The following DOCK5 variants were observed in gnomAD, a reference collection of about 807,000 sequenced individuals.
DOCK5 encodes dedicator of cytokinesis protein 5.
Under a neutral mutation model 251.8 loss-of-function variants are expected in DOCK5, and 142 were observed. That is an observed-to-expected ratio of 0.56 (90% CI 0.49 to 0.65). The LOEUF (loss-of-function observed/expected upper bound fraction) is 0.65. Among genes scored for constraint, DOCK5 ranks in the 30% least tolerant of loss-of-function variants. The pLI, the probability that DOCK5 is intolerant of heterozygous loss-of-function variation, is 0.00. For synonymous variants in DOCK5, 842 were observed against 835.5 expected (o/e 1.01, Z -0.13); for missense variants, 2,111 against 2,312.3 (o/e 0.91, Z 1.79).
intron 1 of DOCK5, among the ~76,000 whole-genome samples, chr8:25,194,944 G>A (rs963434534): frequency 6.6e-6 from 1 of 151,838 alleles, no homozygotes; most frequent in Non-Finnish European, 1.5e-5. Flanking sequence ...TTTTGGGGAC[G>A]GAGTCTCGCT....
intron 16 of DOCK5, among the ~76,000 whole-genome samples, chr8:25,323,499 C>G (rs1054558826): frequency 1.3e-5 from 2 of 152,182 alleles, no homozygotes; most frequent in African/African-American, 2.4e-5. Context: ...TGAGTGTGGC[C>G]TGAAGTCAGG....
chr8:25,394,534 C>A (rs1801312912), intron 44 of DOCK5, among the ~76,000 whole-genome samples: 1 of 129,658 alleles, frequency 7.7e-6, no homozygotes, highest in Non-Finnish European at 1.8e-5. Context: ...GAATGCATGG[C>A]CTCCAAGATC....
At chr8:25,342,329 G>T in intron 24 of DOCK5, 72 bp from the exon 25 acceptor site, 1 of 1,181,500 alleles carries the variant, frequency 8.5e-7, no homozygotes, top group Non-Finnish European at 1.2e-6. Flanking sequence ...CAGAGTGGAG[G>T]AGAAAAGTTT....
chr8:25,217,473 C>T (rs548266980), intron 1 of DOCK5, among the ~76,000 whole-genome samples: 1 of 152,232 alleles, frequency 6.6e-6, no homozygotes, highest in East Asian at 1.9e-4. Flanking sequence ...CAGTAGCATT[C>T]ACTTGTTGGA....
intron 25 of DOCK5, among the ~76,000 whole-genome samples, chr8:25,343,284 C>T (rs1403278630): frequency 6.6e-6 from 1 of 152,052 alleles, no homozygotes; most frequent in Non-Finnish European, 1.5e-5. Context: ...ACTGGGATTA[C>T]AGGCATAATT....
intron 2 of DOCK5, among the ~76,000 whole-genome samples, chr8:25,248,342 A>G (rs1803171617): frequency 6.6e-6 from 1 of 152,148 alleles, no homozygotes; most frequent in Non-Finnish European, 1.5e-5. Context: ...ATGCTGAGTA[A>G]TCACTTGTCT....
chr8:25,219,104 C>T (rs1030601062), intron 1 of DOCK5, among the ~76,000 whole-genome samples: 5 of 152,116 alleles, frequency 3.3e-5, no homozygotes, highest in East Asian at 1.9e-4. Context: ...TGTTGGTAGA[C>T]GAGTATCTGC....
At chr8:25,310,807 T>G (rs911574300) in intron 13 of DOCK5, among the ~76,000 whole-genome samples, 2 of 152,154 alleles carry the variant, frequency 1.3e-5, no homozygotes, top group Admixed American at 1.3e-4. Flanking sequence ...TTCCTGGAAG[T>G]TGGATATACA....
intron 40 of DOCK5, among the ~76,000 whole-genome samples, chr8:25,384,464 T>TTTATTTTTA (rs1554504700): frequency 1.2e-5 from 1 of 81,180 alleles, no homozygotes; most frequent in African/African-American, 3.8e-5. Flanking sequence ...TATTTATTTA[T>TTTATTTTTA]TTTTTTTTTT....
At chr8:25,213,158 A>G (rs1802144384) in intron 1 of DOCK5, among the ~76,000 whole-genome samples, 1 of 151,938 alleles carries the variant, frequency 6.6e-6, no homozygotes, top group Admixed American at 6.6e-5. Context: ...CGTCTAATCA[A>G]GAGAGAAGTT....
intron 20 of DOCK5, among the ~76,000 whole-genome samples, chr8:25,333,594 G>T (rs1332023736): frequency 6.6e-6 from 1 of 152,124 alleles, no homozygotes; most frequent in Non-Finnish European, 1.5e-5. Context: ...TCTTAAACAG[G>T]GTAGTGTGGC....
At chr8:25,258,205 C>G (rs1335858959) in intron 2 of DOCK5, among the ~76,000 whole-genome samples, 1 of 151,726 alleles carries the variant, frequency 6.6e-6, no homozygotes, top group Admixed American at 6.6e-5. Flanking sequence ...TGATTTGGTC[C>G]TCTTCCTCAT....
At chr8:25,312,812 C>T (rs1805138404) in intron 13 of DOCK5, among the ~76,000 whole-genome samples, 1 of 150,390 alleles carries the variant, frequency 6.6e-6, no homozygotes, top group Non-Finnish European at 1.5e-5. Context: ...TGCCTGTAAT[C>T]CCAGCTACTT....
At chr8:25,271,654 C>T (rs1248622614) in intron 3 of DOCK5, among the ~76,000 whole-genome samples, 1 of 152,212 alleles carries the variant, frequency 6.6e-6, no homozygotes, top group Non-Finnish European at 1.5e-5. Flanking sequence ...AAGCCAAGCG[C>T]TTTTCCGAAA....
At chr8:25,367,073 C>T in intron 31 of DOCK5, 103 bp downstream of exon 31, 1 of 1,019,874 alleles carries the variant, frequency 9.8e-7, no homozygotes, top group South Asian at 1.4e-5. Flanking sequence ...TAGTGGCTAC[C>T]CATGTTGTTA....
intron 27 of DOCK5, among the ~76,000 whole-genome samples, chr8:25,358,452 A>T (rs1223351714): frequency 6.6e-6 from 1 of 152,176 alleles, no homozygotes; most frequent in Non-Finnish European, 1.5e-5. Flanking sequence ...ATTCAAGATG[A>T]GATTTGGGTG....
chr8:25,397,517 T>C (rs1440919809), intron 45 of DOCK5, among the ~76,000 whole-genome samples: 2 of 152,214 alleles, frequency 1.3e-5, no homozygotes, highest in Non-Finnish European at 2.9e-5. Flanking sequence ...TGGGAAAGAC[T>C]CAACACCAGA....
chr8:25,210,130 AT>A lies in DOCK5; in HGVS notation c.43+25180del, dbSNP rs1373807879. On this transcript the variant is annotated intron_variant, in intron 1 of 51. Transcript: ENST00000276440. ...TATCTATCTATCTATCTATCTATCT[AT>A]CTATCGAGTAGAGATGGGGCCTTGC... 8.4e-4 allele frequency among the ~76,000 whole-genome samples: 40 copies of A among 47,438 alleles called. 9 individuals are homozygous for A. Among genetic ancestry groups the A allele is most frequent in the African/African-American group, 1.8e-3 (39 of 21,644 alleles). The allele number at this position is 47,438 out of a possible 152,430, so 31.1% of individuals were successfully genotyped here. A position where few individuals can be genotyped will look rare whatever the true frequency, so the allele number is the denominator to read the frequency against.
chr8:25,361,442 T>C (rs1375990415), intron 28 of DOCK5, among the ~76,000 whole-genome samples: 1 of 151,952 alleles, frequency 6.6e-6, no homozygotes, highest in Non-Finnish European at 1.5e-5. Flanking sequence ...AAACCCCATC[T>C]CTACTAAAAA....
Sources: gnomAD v4.1 joint callset for allele counts (sites outside exome capture counted in the v4.1 genomes callset) on GRCh38, gnomAD v4.1.1 for gene constraint, MANE v1.5 for transcripts, NCBI Gene and HGNC (gene_info 2026-07-23, HGNC 2026-07-21) for gene names.